CEP72: variants seen among roughly 807,000 people sequenced by gnomAD.
CEP72 encodes centrosomal protein of 72 kDa.
In CEP72, 78 loss-of-function variants were observed where a neutral mutation model predicts 65.7. That is an observed-to-expected ratio of 1.19 (90% CI 0.99 to 1.43). CEP72 has a LOEUF of 1.43. Ranked by LOEUF, CEP72 falls within the 40% of genes most tolerant of loss-of-function variation. CEP72 has a pLI of 0.00. For synonymous variants in CEP72, 358 were observed against 351.7 expected, an observed-to-expected ratio of 1.02 and a Z score of -0.20; for missense variants, 914 against 832.9, an observed-to-expected ratio of 1.10 and a Z score of -1.20.
At chr5:629,003 G>C (rs543882205) in intron 4 of CEP72, among the ~76,000 whole-genome samples, 1 of 137,836 alleles carries the variant, frequency 7.3e-6, no homozygotes, top group African/African-American at 2.8e-5. Context: ...TTTGTGCAGC[G>C]TTCTGGAGAA....
intron 9 of CEP72, among the ~76,000 whole-genome samples, chr5:643,922 C>T (rs1256742378): frequency 1.3e-5 from 2 of 152,244 alleles, no homozygotes; most frequent in African/African-American, 4.8e-5. Context: ...AGGCCTGGGG[C>T]TCGCAGTGTC....
intron 7 of CEP72, among the ~76,000 whole-genome samples, chr5:638,031 C>T (rs529859686): frequency 1.1e-4 from 16 of 152,290 alleles, no homozygotes; most frequent in South Asian, 1.0e-3. Context: ...GCCGTGATTA[C>T]GCCTACGGCA....
At chr5:622,081 A>G (rs1308156489) in intron 3 of CEP72, among the ~76,000 whole-genome samples, 4 of 152,230 alleles carry the variant, frequency 2.6e-5, no homozygotes, top group African/African-American at 9.6e-5. Flanking sequence ...GCCAAATTCT[A>G]ACATTTTAAA....
chr5:612,639 GC>G, intron 1 of CEP72, 196 bp downstream of exon 1: 2 of 985,008 alleles, frequency 2.0e-6, no homozygotes, highest in African/African-American at 3.5e-5. Context: ...TGCGGCCCCT[GC>G]CCGCGTTCGG....
At position 618,996 on chromosome 5, in the gene CEP72, T is replaced by G. The variant is rs745962439; in HGVS notation, c.89T>G (p.Leu30Arg). ...ACAATTTTTCTATTCTTAGCTGAGC[T>G]TCAGTCATTGTCTATTCCTGGAACT... ...GLGPHRDLAE[L>R]QSLSIPGTYQ... is the part of the protein sequence containing the mutation. Residue 30 changes from leucine to arginine, a missense_variant, in exon 2 of 12, where the codon CTT becomes CGT. Physicochemically the swap from Leu to Arg is moderately radical, Grantham distance 102 (BLOSUM62 -2). Coordinates refer to ENST00000264935, the MANE Select transcript of CEP72 (RefSeq NM_018140.4). 1.6e-5 allele frequency: 25 copies of G among 1,608,216 alleles called. No homozygotes were observed. The highest frequency in any genetic ancestry group is 1.7e-4 in the Middle Eastern group (1 of 6,048).
At chr5:637,360 A>G (rs1227818415) in intron 6 of CEP72, among the ~76,000 whole-genome samples, 157 bp from the exon 7 acceptor site, 1 of 152,094 alleles carries the variant, frequency 6.6e-6, no homozygotes, top group Non-Finnish European at 1.5e-5. Context: ...GGATGTATGT[A>G]TGCACGTGGA....
chr5:670,803 C>T (rs956727512), downstream of CEP72, among the ~76,000 whole-genome samples: 7 of 152,204 alleles, frequency 4.6e-5, no homozygotes, highest in East Asian at 1.9e-4. Context: ...CGACAGAGGT[C>T]GGTGGCAAGC....
Position 628,018 on chromosome 5 carries a change from C to T in CEP72, c.512+3439C>T, listed in dbSNP as rs763065086. ...TCACTCGGTGCGTGCAGACATGGAG[C>T]GCCACTGCACGTAAGATTACTCTTT... On this transcript the variant is annotated intron_variant, in intron 4 of 11. Coordinates refer to ENST00000264935, the MANE Select transcript of CEP72 (RefSeq NM_018140.4). Among the ~76,000 whole-genome samples the T allele has an allele frequency of 8.9e-4, 136 of 152,190 alleles. 2 individuals are homozygous for T. The highest frequency in any genetic ancestry group is 9.8e-4 in the Admixed American group (15 of 15,284).
Position 624,791 on chromosome 5 carries a change from C to T in CEP72, c.512+212C>T, listed in dbSNP as rs543389672. Among the ~76,000 whole-genome samples, 1 of 152,286 alleles carries T rather than the reference C, an allele frequency of 6.6e-6. No homozygotes were observed. The highest frequency in any genetic ancestry group is 2.1e-4 in the South Asian group (1 of 4,824). ...CATTCCTAGGAGTTATTTTTAATATCGAAACTGTTGATTAAGGTAATATGT... is the reference window on the plus strand; with the variant it reads ...CATTCCTAGGAGTTATTTTTAATATTGAAACTGTTGATTAAGGTAATATGT... On this transcript the variant is annotated intron_variant, in intron 4 of 11. Transcript: ENST00000264935. This position sits in a 1 kb window ranked among gnomAD's most constrained non-coding sequence, Gnocchi z 4.7.
chr5:645,341 T>G lies in CEP72; in HGVS notation c.1666+916T>G, dbSNP rs1338217014. ...CGAGCGGTAAGAGTTCCTTAGAGTC[T>G]TCTTTTTTATTTATAAATTTTGCTT... On this transcript the variant is annotated intron_variant, in intron 10 of 11. Transcript: ENST00000264935. The surrounding 1 kb of genome is among the most constrained non-coding windows in gnomAD (Gnocchi z 4.0). Among the ~76,000 whole-genome samples, 1 of 152,216 alleles carries G rather than the reference T, an allele frequency of 6.6e-6. No homozygotes were observed. Among genetic ancestry groups the G allele is most frequent in the Non-Finnish European group, 1.5e-5 (1 of 68,040 alleles).
chr5:633,412 G>A (rs1418247137), intron 4 of CEP72, among the ~76,000 whole-genome samples: 3 of 146,970 alleles, frequency 2.0e-5, no homozygotes, highest in Admixed American at 7.0e-5. Context: ...TCCTGGTGGG[G>A]TGCTGTCCAG....
At chr5:641,388 G>C (rs1321177619) in intron 9 of CEP72, 1 of 985,454 alleles carries the variant, frequency 1.0e-6, no homozygotes. Flanking sequence ...GGCCTTGTCA[G>C]CATCTTTAAA....
At chr5:665,390 G>C in intron 3 of CEP72, 1 of 1,183,816 alleles carries the variant, frequency 8.4e-7, no homozygotes, top group South Asian at 1.4e-5. Flanking sequence ...TCTCCCAGCG[G>C]TGGGGCACTG....
At chr5:664,758 C>G (rs1739824093) in intron 2 of CEP72, 1 of 262,346 alleles carries the variant, frequency 3.8e-6, no homozygotes, top group Non-Finnish European at 7.4e-6. Context: ...TCAGCACAGC[C>G]TCCTGTTGCC....
At position 647,812 on chromosome 5, in the gene CEP72, A is replaced by G. The variant is rs765838139; in HGVS notation, c.1674A>G (p.Gln558=). 1.7e-5 allele frequency: 27 copies of G among 1,608,394 alleles called. No homozygotes were observed. The highest frequency in any genetic ancestry group is 2.2e-5 in the Non-Finnish European group (26 of 1,177,614). ...ATLNLQIAGL[Q]TSVKRLCGEI... ...TTTTTCTTTCTCTTTCAGGACTTCA[A>G]ACAAGTGTGAAGAGGCTGTGTGGCG... is the stretch of plus-strand genomic sequence containing the variant. The change falls in exon 11 of 12, where the codon CAA becomes CAG. Residue 558 remains glutamine, a synonymous_variant. Transcript: ENST00000264935.
At chr5:618,086 G>A (rs1005421653) in intron 1 of CEP72, among the ~76,000 whole-genome samples, 3 of 152,152 alleles carry the variant, frequency 2.0e-5, no homozygotes, top group African/African-American at 7.2e-5. Context: ...GGTTTCAGAT[G>A]GTGATGGCTG....
Position 637,637 on chromosome 5 carries a change from T to C in CEP72, c.1025T>C (p.Phe342Ser). 1 of 1,613,960 alleles carries C rather than the reference T, an allele frequency of 6.2e-7. No individual in the cohort carries two copies. Among genetic ancestry groups the C allele is most frequent in the Non-Finnish European group, 8.5e-7 (1 of 1,180,030 alleles). ...AAGCGAAGAATGCCTGTTGGAAGAT[T>C]CCAGACGTTTTCGGACCAGGAGGGT... The part of the protein sequence containing the change: ...CRKRRMPVGR[F>S]QTFSDQEGLG... Residue 342 changes from phenylalanine (F) to serine (S), a missense_variant, in exon 7 of 12, where the codon TTC (phenylalanine) becomes TCC (serine). By Grantham distance (155) the Phe-to-Ser change is radical. Transcript: ENST00000264935.
Position 637,740 on chromosome 5 carries a change from G to T in CEP72, c.1128G>T (p.Arg376Ser). Residue 376 changes from arginine (R) to serine (S), a missense_variant, in exon 7 of 12, where the codon AGG becomes AGT. Arg to Ser is a moderately radical substitution (Grantham distance 110). Transcript: ENST00000264935. The part of the protein sequence containing the change: ...SLSRQDSSES[R>S]NGRTLSQPEA... ...GCAGACAGGACAGCTCAGAAAGCAG[G>T]AACGGGAGGACCTTGTCTCAGCCTG... The T allele has an allele frequency of 6.2e-7, 1 of 1,612,966 alleles. No homozygotes were observed. The highest frequency in any genetic ancestry group is 8.5e-7 in the Non-Finnish European group (1 of 1,179,726).
chr5:660,340 T>A (rs1423799723), downstream of CEP72: 2 of 152,212 alleles, frequency 1.3e-5, no homozygotes, highest in Non-Finnish European at 2.9e-5. Flanking sequence ...CTTGGTTTAG[T>A]TTTTTAAGAG....
Sources: allele counts gnomAD v4.1 joint callset (sites outside exome capture counted in the v4.1 genomes callset), GRCh38; gene constraint gnomAD v4.1.1; non-coding constraint Gnocchi (gnomAD v3.1); transcripts MANE v1.5; gene names NCBI Gene and HGNC (gene_info 2026-07-23, HGNC 2026-07-21).